Variants in NELL2 observed in about 807,000 individuals in gnomAD.
NELL2 encodes the protein protein kinase C-binding protein NELL2.
In NELL2, 41 loss-of-function variants were observed where a neutral mutation model predicts 109.6. The ratio of observed to expected loss-of-function variants is 0.37; its 90% CI spans 0.29 to 0.49. NELL2 has a LOEUF of 0.49. Among genes scored for constraint, NELL2 ranks in the 20% least tolerant of loss-of-function variants. NELL2 has a pLI of 0.98. For synonymous variants in NELL2, 355 were observed against 344.7 expected, an observed-to-expected ratio of 1.03 and a Z score of -0.33; for missense variants, 900 against 1,008.3, an observed-to-expected ratio of 0.89 and a Z score of 1.45.
Position 44,816,155 on chromosome 12 carries a change from T to C in NELL2, c.185-19A>G, listed in dbSNP as rs200805045. On this transcript the variant is annotated intron_variant, in intron 2 of 19. Coordinates refer to ENST00000429094, the MANE Select transcript of NELL2 (RefSeq NM_001145108.2). ...GGAGTATCTAAAAAAGAAACAAACA[T>C]ATACTAAGAATAGTAGAATTTGATT... is the stretch of plus-strand genomic sequence containing the variant. 9 of 1,566,998 alleles carry C rather than the reference T, an allele frequency of 5.7e-6. No homozygotes were observed. Among genetic ancestry groups the C allele is most frequent in the Non-Finnish European group, 6.9e-6 (8 of 1,160,220 alleles).
intron 2 of NELL2, among the ~76,000 whole-genome samples, chr12:44,839,318 G>C (rs926089141): frequency 5.9e-5 from 9 of 152,020 alleles, no homozygotes; most frequent in African/African-American, 1.9e-4. Context: ...TCTTCATGCT[G>C]CTTAAAATAA....
intron 15 of NELL2, among the ~76,000 whole-genome samples, chr12:44,569,286 A>G (rs1943773476): frequency 6.6e-6 from 1 of 152,122 alleles, no homozygotes; most frequent in Admixed American, 6.6e-5. Flanking sequence ...TCTACCATTA[A>G]TGAGTATTTA....
At chr12:44,568,111 G>A (rs1366146720) in intron 15 of NELL2, among the ~76,000 whole-genome samples, 1 of 152,050 alleles carries the variant, frequency 6.6e-6, no homozygotes, top group Non-Finnish European at 1.5e-5. Context: ...ATCATTAAAA[G>A]ACTTGCAGAT....
chr12:44,737,828 G>T (rs1258516833), intron 9 of NELL2, among the ~76,000 whole-genome samples: 1 of 151,752 alleles, frequency 6.6e-6, no homozygotes, highest in African/African-American at 2.4e-5. Context: ...TTGTTCTTAA[G>T]GCCCTCATGA....
At chr12:44,534,090 T>A (rs972178981) in intron 15 of NELL2, among the ~76,000 whole-genome samples, 1 of 152,088 alleles carries the variant, frequency 6.6e-6, no homozygotes, top group African/African-American at 2.4e-5. Flanking sequence ...CTTCCTCCTA[T>A]TTCAGTCTCA....
At chr12:44,701,151 G>A (rs1174324661) in intron 12 of NELL2, among the ~76,000 whole-genome samples, 1 of 151,742 alleles carries the variant, frequency 6.6e-6, no homozygotes, top group Non-Finnish European at 1.5e-5. Context: ...CTCAAAGTTA[G>A]CAACCATGCC....
At chr12:44,754,760 C>A (rs1940809203) in intron 9 of NELL2, among the ~76,000 whole-genome samples, 1 of 152,112 alleles carries the variant, frequency 6.6e-6, no homozygotes, top group Non-Finnish European at 1.5e-5. Flanking sequence ...TGACCAAAAT[C>A]AATAGCTTTC....
intron 11 of NELL2, 100 bp downstream of exon 11, chr12:44,711,192 T>G (rs982236621): frequency 2.4e-6 from 2 of 821,802 alleles, no homozygotes; most frequent in Non-Finnish European, 4.1e-6. Context: ...TATTAGTCTA[T>G]GGAAATAATT....
intron 14 of NELL2, among the ~76,000 whole-genome samples, chr12:44,607,748 C>T (rs917255020): frequency 1.3e-5 from 2 of 152,016 alleles, no homozygotes; most frequent in African/African-American, 2.4e-5. Flanking sequence ...AATTTGTAAG[C>T]GGGTCCTGGT....
At chr12:44,796,930 AG>A (rs1175440591) in intron 3 of NELL2, among the ~76,000 whole-genome samples, 1 of 152,136 alleles carries the variant, frequency 6.6e-6, no homozygotes, top group Non-Finnish European at 1.5e-5. Context: ...CTTAATGATG[AG>A]GCCAGCAAAA....
At chr12:44,521,555 G>T (rs908261017) in intron 18 of NELL2, among the ~76,000 whole-genome samples, 3 of 143,862 alleles carry the variant, frequency 2.1e-5, no homozygotes, top group African/African-American at 5.4e-5. Flanking sequence ...AGGTTGCGGT[G>T]GTGGGGGAGG....
chr12:44,843,944 C>A (rs1944299513), intron 2 of NELL2, among the ~76,000 whole-genome samples: 1 of 152,020 alleles, frequency 6.6e-6, no homozygotes. Context: ...ACCACTTGAG[C>A]CTGGGAAGCA....
rs2139011211 is a variant in NELL2, at chr12:44,532,795, T to C, written c.1664-74A>G. The C allele has an allele frequency of 3.5e-6, 5 of 1,415,482 alleles. No individual in the cohort carries two copies. The South Asian group carries it at 7.3e-5, about 21-fold the overall frequency. The allele number at this position is 1,415,482 out of a possible 1,614,324, so 87.7% of individuals were successfully genotyped here. A position where few individuals can be genotyped will look rare whatever the true frequency, so the allele number is the denominator to read the frequency against. ...AAACTAGAATATTCTGCTACAAGGCTACTAAAATTTTTAATGCCAGCAAAT... is the reference window on the plus strand; with the variant it reads ...AAACTAGAATATTCTGCTACAAGGCCACTAAAATTTTTAATGCCAGCAAAT... On this transcript the variant is annotated intron_variant, in intron 15 of 19. Transcript: ENST00000429094.
At chr12:44,564,629 T>C (rs1749771359) in intron 15 of NELL2, among the ~76,000 whole-genome samples, 1 of 152,192 alleles carries the variant, frequency 6.6e-6, no homozygotes, top group Non-Finnish European at 1.5e-5. Context: ...GTAATGCATA[T>C]GTGTGTGTAT....
intron 13 of NELL2, among the ~76,000 whole-genome samples, chr12:44,656,882 C>A (rs1947523635): frequency 1.3e-5 from 2 of 152,116 alleles, no homozygotes; most frequent in Admixed American, 6.6e-5. Context: ...TTTGTCCATA[C>A]AATAAATTTT....
upstream of NELL2, among the ~76,000 whole-genome samples, chr12:44,918,265 A>AT (rs776326786): frequency 1.3e-5 from 2 of 152,130 alleles, no homozygotes; most frequent in Non-Finnish European, 2.9e-5. Flanking sequence ...TTAATCTCAC[A>AT]TTTAGGGAAA....
intron 9 of NELL2, among the ~76,000 whole-genome samples, chr12:44,723,971 C>G (rs1364083356): frequency 6.6e-6 from 1 of 151,876 alleles, no homozygotes; most frequent in Non-Finnish European, 1.5e-5. Flanking sequence ...TTCACGATAG[C>G]AAGGACATGG....
chr12:44,777,368 T>C, intron 5 of NELL2, 54 bp from the exon 6 acceptor site: 6 of 1,383,252 alleles, frequency 4.3e-6, no homozygotes, highest in South Asian at 2.3e-5. Context: ...ACCCAAATTA[T>C]GTTCAATGGT....
At chr12:44,578,674 G>A (rs1208607718) in intron 15 of NELL2, among the ~76,000 whole-genome samples, 1 of 150,342 alleles carries the variant, frequency 6.7e-6, no homozygotes, top group African/African-American at 2.5e-5. Flanking sequence ...AGAGAGTAAT[G>A]TGTGCCAGGG....
Sources: allele counts gnomAD v4.1 joint callset (sites outside exome capture counted in the v4.1 genomes callset), GRCh38; gene constraint gnomAD v4.1.1; transcripts MANE v1.5; gene names NCBI Gene and HGNC (gene_info 2026-07-23, HGNC 2026-07-21).